Variants in ZNF385D observed in about 807,000 individuals in gnomAD.
ZNF385D encodes the protein zinc finger protein 659.
A neutral mutation model predicts 35.8 loss-of-function variants in ZNF385D; 15 were observed. That is an observed-to-expected ratio of 0.42 (90% CI 0.28 to 0.64). ZNF385D has a LOEUF of 0.64. Among genes scored for constraint, ZNF385D ranks in the 30% least tolerant of loss-of-function variants. The pLI, the probability that ZNF385D is intolerant of heterozygous loss-of-function variation, is 0.23. For missense variants in ZNF385D, 474 were observed against 494.6 expected (o/e 0.96, Z 0.39); for synonymous variants, 212 against 186.8 (o/e 1.13, Z -1.10).
intron 7 of ZNF385D, 87 bp from the exon 8 acceptor site, chr3:21,421,534 T>C: frequency 2.3e-6 from 2 of 854,400 alleles, no homozygotes; most frequent in Non-Finnish European, 3.6e-6. Context: ...TTTTAAAATA[T>C]AGCAGTAAAC....
At chr3:22,044,126 A>T (rs1698841717) in intron 3 of ZNF385D, among the ~76,000 whole-genome samples, 2 of 149,206 alleles carry the variant, frequency 1.3e-5, no homozygotes, top group Admixed American at 6.7e-5. Flanking sequence ...TGGCCTCAGG[A>T]TTTGGTGGGT....
Position 22,273,318 on chromosome 3 carries a change from G to C in ZNF385D, c.106+99132C>G, listed in dbSNP as rs114959018. 4.4e-3 allele frequency among the ~76,000 whole-genome samples: 675 copies of C among 152,074 alleles called. 7 individuals carry two copies. The highest frequency in any genetic ancestry group is 0.015 in the African/African-American group (642 of 41,568). On this transcript the variant is annotated intron_variant, in intron 2 of 5. Coordinates refer to the ZNF385D transcript ENST00000494108. ...ACAGTAAACTAGTAACATGAATAAT[G>C]AGCAGCAGACATTAGTCCTTTTTTT...
intron 3 of ZNF385D, among the ~76,000 whole-genome samples, chr3:21,853,313 T>C (rs893079264): frequency 6.6e-6 from 1 of 151,834 alleles, no homozygotes; most frequent in African/African-American, 2.4e-5. Flanking sequence ...TTTATAAATA[T>C]TTTCCTGTAT....
At position 21,492,944 on chromosome 3, in the gene ZNF385D, A is replaced by C. The variant is rs192716411; in HGVS notation, c.439+17917T>G. ...TGAACAGAAGTTACCAATGGGTTTC[A>C]TACCATGACAAATAATGCATTATAT... On this transcript the variant is annotated intron_variant, in intron 4 of 7. Coordinates refer to ENST00000281523, the MANE Select transcript of ZNF385D (RefSeq NM_024697.3). 2.6e-5 allele frequency among the ~76,000 whole-genome samples: 4 copies of C among 152,208 alleles called. No homozygotes were observed. The East Asian group carries it at 7.7e-4, about 29-fold the overall frequency.
chr3:21,994,505 C>A (rs920819214), intron 3 of ZNF385D, among the ~76,000 whole-genome samples: 1 of 148,536 alleles, frequency 6.7e-6, no homozygotes, highest in Admixed American at 6.7e-5. Context: ...ATTATGATCA[C>A]CATTTTATAT....
chr3:21,684,939 C>A (rs916161753), intron 1 of ZNF385D, among the ~76,000 whole-genome samples: 13 of 152,074 alleles, frequency 8.5e-5, no homozygotes, highest in African/African-American at 2.9e-4. Context: ...TCAGCAAACT[C>A]GTATGGCAAT....
At chr3:22,043,044 T>C (rs1277593495) in intron 3 of ZNF385D, among the ~76,000 whole-genome samples, 1 of 152,138 alleles carries the variant, frequency 6.6e-6, no homozygotes, top group Non-Finnish European at 1.5e-5. Flanking sequence ...AACTGAGAAG[T>C]CCATTGTGGC....
chr3:22,008,640 G>C lies in ZNF385D; in HGVS notation c.325+160177C>G, dbSNP rs1020383116. 2.0e-5 allele frequency among the ~76,000 whole-genome samples: 3 copies of C among 152,288 alleles called. No homozygotes were observed. The East Asian group carries it at 5.8e-4, about 29-fold the overall frequency. ...CAAAGTGCTGGGATTACAGGCGTGA[G>C]CCACCGCGCCCAGCCCGGGCCATGC... On this transcript the variant is annotated intron_variant, in intron 3 of 5. Coordinates refer to the ZNF385D transcript ENST00000494108.
At chr3:21,961,691 G>C (rs1230643542) in intron 3 of ZNF385D, among the ~76,000 whole-genome samples, 2 of 152,036 alleles carry the variant, frequency 1.3e-5, no homozygotes, top group Admixed American at 1.3e-4. Flanking sequence ...TATTTTGTAA[G>C]TGAATGGATT....
chr3:21,835,498 G>A (rs1051126945), intron 3 of ZNF385D, among the ~76,000 whole-genome samples: 4 of 147,902 alleles, frequency 2.7e-5, no homozygotes, highest in African/African-American at 7.6e-5. Flanking sequence ...TGATTCACAG[G>A]GTGGATCAAA....
chr3:22,091,371 C>A (rs1701322198), intron 3 of ZNF385D, among the ~76,000 whole-genome samples: 1 of 152,120 alleles, frequency 6.6e-6, no homozygotes, highest in African/African-American at 2.4e-5. Flanking sequence ...GGGATGGATT[C>A]CCTGATTTCA....
At chr3:22,139,077 A>G (rs1704332265) in intron 3 of ZNF385D, among the ~76,000 whole-genome samples, 1 of 140,632 alleles carries the variant, frequency 7.1e-6, no homozygotes, top group Non-Finnish European at 1.6e-5. Context: ...ACCATCTCAC[A>G]CCAGTTAGAA....
chr3:21,489,996 T>C (rs1008186214), intron 4 of ZNF385D, among the ~76,000 whole-genome samples: 1 of 152,162 alleles, frequency 6.6e-6, no homozygotes, highest in Non-Finnish European at 1.5e-5. Flanking sequence ...TTCAAACACA[T>C]GGCTCTGGTT....
At chr3:21,549,970 T>C (rs745934879) in intron 3 of ZNF385D, among the ~76,000 whole-genome samples, 2 of 152,180 alleles carry the variant, frequency 1.3e-5, no homozygotes, top group Non-Finnish European at 2.9e-5. Context: ...AGGAAATCTT[T>C]AGAAAATTGC....
rs1184614777 is a variant in ZNF385D, at chr3:21,502,169, C to CA, written c.439+8691dup. On this transcript the variant is annotated intron_variant, in intron 4 of 7. Transcript: ENST00000281523. ...AGGGATAGATCTTCCAAAAGGAACT[C>CA]AGTTGTCATTAAGGCTCTTCCAAGA... 7.9e-5 allele frequency among the ~76,000 whole-genome samples: 12 copies of CA among 152,296 alleles called. No homozygotes were observed. In the East Asian group the frequency reaches 9.7e-4, roughly 12 times the overall value.
intron 2 of ZNF385D, among the ~76,000 whole-genome samples, chr3:22,351,948 C>A (rs66747516): frequency 7.9e-5 from 12 of 152,116 alleles, no homozygotes; most frequent in Non-Finnish European, 1.8e-4. Flanking sequence ...CTCATCCTTA[C>A]GTGGGCTTTC....
At chr3:21,930,218 G>A (rs1224323338) in intron 3 of ZNF385D, among the ~76,000 whole-genome samples, 2 of 151,092 alleles carry the variant, frequency 1.3e-5, no homozygotes, top group African/African-American at 2.4e-5. Flanking sequence ...AGCAAATGAT[G>A]CTTGAACTAT....
chr3:22,269,863 G>A (rs1230099338), intron 2 of ZNF385D, among the ~76,000 whole-genome samples: 2 of 151,652 alleles, frequency 1.3e-5, no homozygotes, highest in African/African-American at 4.8e-5. Flanking sequence ...GCAAATATTG[G>A]CTTGCTTTAC....
chr3:22,206,704 A>G (rs879480507), intron 2 of ZNF385D, among the ~76,000 whole-genome samples: 5 of 152,006 alleles, frequency 3.3e-5, no homozygotes, highest in Non-Finnish European at 5.9e-5. Context: ...ATTAATAAGT[A>G]AATTGAAAAA....
Sources: allele counts gnomAD v4.1 joint callset (sites outside exome capture counted in the v4.1 genomes callset), GRCh38; gene constraint gnomAD v4.1.1; transcripts MANE v1.5; gene names NCBI Gene and HGNC (gene_info 2026-07-23, HGNC 2026-07-21).